Variants in CDH18 observed in about 807,000 individuals in gnomAD.
CDH18 encodes cadherin-18.
In CDH18, 31 loss-of-function variants were observed where a neutral mutation model predicts 67.9. The ratio of observed to expected loss-of-function variants is 0.46; its 90% CI spans 0.34 to 0.62. CDH18 has a LOEUF of 0.62. Ranked by LOEUF, CDH18 falls within the 20% of genes least tolerant of loss-of-function variation. CDH18 has a pLI of 0.01. For synonymous variants in CDH18, 362 were observed against 347.2 expected, an observed-to-expected ratio of 1.04 and a Z score of -0.48; for missense variants, 890 against 975.5, an observed-to-expected ratio of 0.91 and a Z score of 1.17.
chr5:20,488,673 T>TTATATATA (rs34690857), intron 1 of CDH18, among the ~76,000 whole-genome samples: 2,537 of 126,794 alleles, frequency 0.02, 52 homozygotes, highest in Non-Finnish European at 0.031. Context: ...GGGTAGTGTT[T>TTATATATA]TATATATATA....
At chr5:19,577,784 G>A (rs72737484) in intron 7 of CDH18, among the ~76,000 whole-genome samples, 12,583 of 152,274 alleles carry the variant, frequency 0.083, 599 homozygotes, top group African/African-American at 0.13. Context: ...ATAGAGGCCT[G>A]ACGGCAACCC....
At chr5:20,044,538 T>C (rs1561743576) in intron 2 of CDH18, among the ~76,000 whole-genome samples, 1 of 152,152 alleles carries the variant, frequency 6.6e-6, no homozygotes, top group Non-Finnish European at 1.5e-5. Context: ...AATTAAAGCA[T>C]TTAAGCATTG....
At chr5:20,379,818 G>A (rs1743770117) in intron 1 of CDH18, among the ~76,000 whole-genome samples, 1 of 151,782 alleles carries the variant, frequency 6.6e-6, no homozygotes, top group Non-Finnish European at 1.5e-5. Flanking sequence ...AATTATCTCT[G>A]ACTCTTGAAG....
rs562655039 is a variant in CDH18, at chr5:20,376,091, A to ATTTTTT, written c.-579-120592_-579-120587dup. Among the ~76,000 whole-genome samples, 115 of 49,760 alleles carry ATTTTTT rather than the reference A, an allele frequency of 2.3e-3. 32 individuals are homozygous for ATTTTTT. The highest frequency in any genetic ancestry group is 0.029 in the Middle Eastern group (1 of 34). 32.6% of individuals were successfully genotyped at this position (49,760 alleles called of 152,430 possible). A position where few individuals can be genotyped will look rare whatever the true frequency, so the allele number is the denominator to read the frequency against. ...ACAGTAAGCAATTTAAAAAGAAACA[A>ATTTTTT]TTTTTTTTTTTTTTTTTTTTGAGAC... On this transcript the variant is annotated intron_variant, in intron 1 of 14. Transcript: ENST00000507958.
intron 9 of CDH18, among the ~76,000 whole-genome samples, chr5:19,529,598 CA>C (rs948528270): frequency 2.6e-5 from 4 of 151,578 alleles, no homozygotes; most frequent in African/African-American, 4.8e-5. Flanking sequence ...ATATAATATA[CA>C]AAAAAATAGA....
At chr5:19,941,347 C>T (rs1442593665) in intron 2 of CDH18, among the ~76,000 whole-genome samples, 1 of 152,106 alleles carries the variant, frequency 6.6e-6, no homozygotes, top group Non-Finnish European at 1.5e-5. Flanking sequence ...TCTGTCATAA[C>T]AGCACAAATG....
At position 20,218,060 on chromosome 5, in the gene CDH18, G is replaced by A. The variant is rs539020684; in HGVS notation, c.-518+37384C>T. Among the ~76,000 whole-genome samples, 128 of 151,836 alleles carry A rather than the reference G, an allele frequency of 8.4e-4. No homozygotes were observed. In the Middle Eastern group the frequency reaches 0.017, roughly 20 times the overall value. On this transcript the variant is annotated intron_variant, in intron 2 of 14. Transcript: ENST00000507958. ...TAAAGAGAGAGATAAACCCCAATAC[G>A]ATAATAGCTGGAGATTTTAATACCC... is the stretch of plus-strand genomic sequence containing the variant.
chr5:19,797,485 CTAAG>C (rs1421497471), intron 3 of CDH18, among the ~76,000 whole-genome samples: 2 of 151,926 alleles, frequency 1.3e-5, no homozygotes, highest in Non-Finnish European at 2.9e-5. Flanking sequence ...ACTCATACAA[CTAAG>C]TGAGTTCAAC....
chr5:19,642,722 G>T (rs1384098716), intron 5 of CDH18, among the ~76,000 whole-genome samples: 1 of 151,498 alleles, frequency 6.6e-6, no homozygotes, highest in African/African-American at 2.4e-5. Context: ...AACAGTACTA[G>T]AAAAAAAAGA....
intron 1 of CDH18, among the ~76,000 whole-genome samples, chr5:20,289,476 G>A (rs1231831428): frequency 2.0e-5 from 3 of 151,884 alleles, no homozygotes; most frequent in Non-Finnish European, 2.9e-5. Context: ...ATTTTCATGG[G>A]TATCTGTTGT....
At chr5:19,590,439 A>G (rs770923632) in intron 7 of CDH18, among the ~76,000 whole-genome samples, 1 of 152,042 alleles carries the variant, frequency 6.6e-6, no homozygotes, top group Non-Finnish European at 1.5e-5. Flanking sequence ...GAGATTTCAT[A>G]CAATCCAAAT....
chr5:19,865,255 C>G (rs1407730687), intron 2 of CDH18, among the ~76,000 whole-genome samples: 1 of 151,870 alleles, frequency 6.6e-6, no homozygotes, highest in African/African-American at 2.4e-5. Context: ...TGTCAAATAC[C>G]AAGCATGAGA....
intron 1 of CDH18, among the ~76,000 whole-genome samples, chr5:20,260,005 T>C (rs560475239): frequency 1.3e-5 from 2 of 152,104 alleles, no homozygotes; most frequent in East Asian, 3.9e-4. Context: ...CTGCACAACC[T>C]TTAGTTAAAA....
intron 2 of CDH18, among the ~76,000 whole-genome samples, chr5:19,855,753 T>C (rs959126797): frequency 7.9e-5 from 12 of 152,132 alleles, no homozygotes; most frequent in Non-Finnish European, 1.6e-4. Flanking sequence ...ACAGATAAAA[T>C]TGCATGTTGA....
intron 1 of CDH18, among the ~76,000 whole-genome samples, chr5:20,279,159 C>A (rs1045278539): frequency 6.6e-6 from 1 of 151,876 alleles, no homozygotes; most frequent in East Asian, 1.9e-4. Flanking sequence ...TACAAAAAAA[C>A]CACACATTAC....
Position 19,607,932 on chromosome 5 carries a change from A to G in CDH18, c.811+4502T>C, listed in dbSNP as rs184589167. Among the ~76,000 whole-genome samples, 301 of 151,838 alleles carry G rather than the reference A, an allele frequency of 2.0e-3. 1 individual carries two copies. The Middle Eastern group carries it at 0.024, about 12-fold the overall frequency. The stretch of plus-strand genomic sequence containing the variant: ...ACTATAGACATATATTTCACAATAA[A>G]ACAATTTTAATCAAGAGAAAGATAT... On this transcript the variant is annotated intron_variant, in intron 6 of 12. Coordinates refer to ENST00000382275, the MANE Select transcript of CDH18 (RefSeq NM_004934.5).
intron 7 of CDH18, among the ~76,000 whole-genome samples, chr5:19,577,209 T>C (rs1742460531): frequency 6.6e-6 from 1 of 152,176 alleles, no homozygotes; most frequent in South Asian, 2.1e-4. Flanking sequence ...AATAATGCAT[T>C]GTACCATTCA....
intron 2 of CDH18, among the ~76,000 whole-genome samples, chr5:20,048,238 G>A (rs1299095070): frequency 6.6e-6 from 1 of 151,476 alleles, no homozygotes; most frequent in Non-Finnish European, 1.5e-5. Flanking sequence ...ATTAGGTGCT[G>A]AAGAAGGAAC....
intron 1 of CDH18, among the ~76,000 whole-genome samples, chr5:20,389,531 G>C (rs1744641316): frequency 2.0e-5 from 3 of 151,900 alleles, no homozygotes; most frequent in African/African-American, 7.3e-5. Flanking sequence ...TCTTTAATTG[G>C]AGCATTTAGC....
Sources: allele counts gnomAD v4.1 joint callset (sites outside exome capture counted in the v4.1 genomes callset), GRCh38; gene constraint gnomAD v4.1.1; transcripts MANE v1.5; gene names NCBI Gene and HGNC (gene_info 2026-07-23, HGNC 2026-07-21).